The following KLHL13 variants were observed in gnomAD, a reference collection of about 807,000 sequenced individuals.
KLHL13 encodes the protein kelch like family member 13, also known as kelch-like protein 13.
In KLHL13, 10 loss-of-function variants were observed where a neutral mutation model predicts 37.1. The ratio of observed to expected loss-of-function variants is 0.27; its 90% CI spans 0.17 to 0.46. KLHL13 has a LOEUF of 0.46. Ranked by LOEUF, KLHL13 falls within the 20% of genes least tolerant of loss-of-function variation. The pLI, the probability that KLHL13 is intolerant of heterozygous loss-of-function variation, is 1.00. For missense variants in KLHL13, 360 were observed against 509.3 expected, an observed-to-expected ratio of 0.71 and a Z score of 2.82; for synonymous variants, 163 against 181.2, an observed-to-expected ratio of 0.90 and a Z score of 0.81.
intron 1 of KLHL13, among the ~76,000 whole-genome samples, chrX:118,110,704 T>G (rs140167590): frequency 6.3e-5 from 7 of 111,640 alleles, no homozygotes; most frequent in South Asian, 7.5e-4. Flanking sequence ...CAGATTTCTA[T>G]ACACATTAGC....
At chrX:118,023,069 T>A (rs1340709104) in intron 1 of KLHL13, among the ~76,000 whole-genome samples, 1 of 112,134 alleles carries the variant, frequency 8.9e-6, no homozygotes, top group African/African-American at 3.2e-5. Context: ...TACAATGTAA[T>A]ATAAGGATCC....
At chrX:118,090,949 T>G (rs2055126078) in intron 1 of KLHL13, among the ~76,000 whole-genome samples, 1 of 107,594 alleles carries the variant, frequency 9.3e-6, no homozygotes, top group East Asian at 3.0e-4. Flanking sequence ...TATGCAGTCA[T>G]AAAAAATGAT....
chrX:118,098,728 T>C (rs2055244606), intron 1 of KLHL13, among the ~76,000 whole-genome samples: 1 of 105,585 alleles, frequency 9.5e-6, no homozygotes, highest in Non-Finnish European at 1.9e-5. Flanking sequence ...ATATACACCA[T>C]GGAATACTAT....
exon 7 of KLHL13, chrX:117,898,140 A>G (rs1487023634): frequency 1.8e-5 from 2 of 111,817 alleles, no homozygotes; most frequent in African/African-American, 6.5e-5. Context: ...GCTTTTTGGA[A>G]GAATTCTTTT....
At position 117,898,972 on chromosome X, in the gene KLHL13, G is replaced by GT. The variant is rs1300013963; in HGVS notation, c.1903dup (p.Thr635AsnfsTer14). 1 of 1,208,997 alleles carries GT rather than the reference G, an allele frequency of 8.3e-7. No individual in the cohort carries two copies. The highest frequency in any genetic ancestry group is 1.7e-5 in the African/African-American group (1 of 57,251). On this transcript the variant is annotated frameshift_variant, in exon 7 of 7. Transcript: ENST00000262820. LOFTEE classifies it high-confidence loss of function. ...TGTGGTTTCTTCTGGTGGAAAAACT[G>GT]TGAGTGTGCAAGCACGAATGCCACC... is the stretch of plus-strand genomic sequence containing the variant.
Position 118,020,146 on chromosome X carries a change from G to T in KLHL13, c.-55-74571C>A, listed in dbSNP as rs757691637. The stretch of plus-strand genomic sequence containing the variant: ...ATGAGCATGGAATGTTCTTCCATTT[G>T]TTTGTATCCTCTTTTATTTCCTTGA... On this transcript the variant is annotated intron_variant, in intron 1 of 6. Coordinates refer to the KLHL13 transcript ENST00000371882. Among the ~76,000 whole-genome samples the T allele has an allele frequency of 4.5e-3, 489 of 108,819 alleles. 7 individuals carry two copies. The highest frequency in any genetic ancestry group is 0.016 in the African/African-American group (464 of 29,853). The allele number at this position is 108,819 out of a possible 115,157, so 94.5% of individuals were successfully genotyped here.
chrX:118,051,422 T>G (rs2054612297), intron 1 of KLHL13, among the ~76,000 whole-genome samples: 1 of 108,720 alleles, frequency 9.2e-6, no homozygotes, highest in Non-Finnish European at 1.9e-5. Context: ...GCACCTGTAG[T>G]CCCAGCTACT....
chrX:117,996,102 A>G (rs1030732331), intron 1 of KLHL13, among the ~76,000 whole-genome samples: 3 of 112,126 alleles, frequency 2.7e-5, no homozygotes, highest in African/African-American at 9.7e-5. Flanking sequence ...TTTGTATAGC[A>G]CACTTTGTGT....
At chrX:117,971,227 T>A (rs1300675334) in intron 1 of KLHL13, among the ~76,000 whole-genome samples, 1 of 111,724 alleles carries the variant, frequency 9.0e-6, no homozygotes, top group African/African-American at 3.2e-5. Context: ...GTAGGAATAT[T>A]AGAAACATTA....
intron 1 of KLHL13, among the ~76,000 whole-genome samples, chrX:118,056,561 C>T (rs2148083863): frequency 9.0e-6 from 1 of 111,236 alleles, no homozygotes; most frequent in South Asian, 3.8e-4. Flanking sequence ...ACCTTTTTAC[C>T]CTTTCAATTA....
intron 1 of KLHL13, among the ~76,000 whole-genome samples, chrX:117,999,436 C>T (rs1402187660): frequency 1.8e-5 from 2 of 110,757 alleles, no homozygotes; most frequent in African/African-American, 6.6e-5. Context: ...AGCAAACTAT[C>T]ACAAGGACAT....
chrX:117,910,224 T>C lies in KLHL13; in HGVS notation c.571-128A>G, dbSNP rs767361634. ...AATGTTCAAATAGATACAAATAGGA[T>C]TCTTATCTAAATGTATCAATGATCT... is the stretch of plus-strand genomic sequence containing the variant. On this transcript the variant is annotated intron_variant, in intron 4 of 6. Coordinates refer to ENST00000262820, the Ensembl canonical transcript of KLHL13. 15 of 484,919 alleles carry C rather than the reference T, an allele frequency of 3.1e-5. No individual in the cohort carries two copies. The South Asian group carries it at 5.9e-4, about 19-fold the overall frequency. 40.0% of individuals were successfully genotyped at this position (484,919 alleles called of 1,213,427 possible). A position where few individuals can be genotyped will look rare whatever the true frequency, so the allele number is the denominator to read the frequency against.
chrX:117,924,983 C>A (rs1931928174), intron 2 of KLHL13, among the ~76,000 whole-genome samples: 2 of 110,991 alleles, frequency 1.8e-5, no homozygotes, highest in African/African-American at 3.3e-5. Context: ...TGTATCAAAA[C>A]TTCAACCTCT....
chrX:118,015,088 G>A (rs1268079468), intron 1 of KLHL13, among the ~76,000 whole-genome samples: 1 of 111,424 alleles, frequency 9.0e-6, no homozygotes, highest in Non-Finnish European at 1.9e-5. Flanking sequence ...TTACAGATGA[G>A]GAAATGGACT....
At chrX:118,099,822 AGAAGGAAAGAAGAAAGGAAG>A (rs1277842058) in intron 1 of KLHL13, among the ~76,000 whole-genome samples, 9 of 106,076 alleles carry the variant, frequency 8.5e-5, no homozygotes, top group African/African-American at 2.4e-4. Flanking sequence ...AAGAAAGGAA[AGAAGGAAAGAAGAAAGGAAG>A]GAAGGAAAGA....
At chrX:117,991,846 ACTCTCTCTCTCTCTCTCTCTCTCTCT>A (rs56373597) in intron 1 of KLHL13, among the ~76,000 whole-genome samples, 4 of 63,511 alleles carry the variant, frequency 6.3e-5, no homozygotes, top group African/African-American at 5.8e-5. Context: ...CTACAGTGAA[ACTCTCTCTCTCTCTCTCTCTCTCTCT>A]CTCTCTCTCT....
intron 1 of KLHL13, among the ~76,000 whole-genome samples, chrX:117,984,696 G>T (rs2053703730): frequency 9.0e-6 from 1 of 110,945 alleles, no homozygotes; most frequent in Non-Finnish European, 1.9e-5. Context: ...CATTATTGTT[G>T]AATGATAAAA....
chrX:118,051,024 A>G (rs1430221602), intron 1 of KLHL13, among the ~76,000 whole-genome samples: 1 of 111,227 alleles, frequency 9.0e-6, no homozygotes, highest in Admixed American at 9.6e-5. Context: ...TATAGGTAAC[A>G]TAAGGTTTAT....
intron 1 of KLHL13, among the ~76,000 whole-genome samples, chrX:117,994,706 G>C (rs1200124846): frequency 8.9e-6 from 1 of 111,837 alleles, no homozygotes; most frequent in Non-Finnish European, 1.9e-5. Flanking sequence ...CCTTTAGGTT[G>C]GAAGTTTTTC....
Sources: allele counts gnomAD v4.1 joint callset (sites outside exome capture counted in the v4.1 genomes callset), GRCh38; gene constraint gnomAD v4.1.1; transcripts MANE v1.5; gene names NCBI Gene and HGNC (gene_info 2026-07-23, HGNC 2026-07-21).